Variants in VPS13C observed in about 807,000 individuals in gnomAD.
The protein encoded by VPS13C is intermembrane lipid transfer protein VPS13C.
A neutral mutation model predicts 456.8 loss-of-function variants in VPS13C; 358 were observed. That is an observed-to-expected ratio of 0.78 (90% confidence interval 0.72 to 0.86). The LOEUF (loss-of-function observed/expected upper bound fraction) is 0.86, where lower values mean the gene tolerates loss of function less well. Among genes scored for constraint, VPS13C ranks in the 40% least tolerant of loss-of-function variants. The pLI, the probability that VPS13C is intolerant of heterozygous loss-of-function variation, is 0.00. For synonymous variants in VPS13C, 1,578 were observed against 1,486.7 expected, an observed-to-expected ratio of 1.06 and a Z score of -1.41; for missense variants, 4,818 against 4,385.4, an observed-to-expected ratio of 1.10 and a Z score of -2.79.
intron 37 of VPS13C, among the ~76,000 whole-genome samples, chr15:61,958,123 G>A (rs2045070257): frequency 6.6e-6 from 1 of 151,498 alleles, no homozygotes. Context: ...AAGTCAAAAG[G>A]GCCATGGTAA....
chr15:62,015,022 A>G (rs1193894096), intron 9 of VPS13C, among the ~76,000 whole-genome samples: 1 of 152,144 alleles, frequency 6.6e-6, no homozygotes, highest in Non-Finnish European at 1.5e-5. Context: ...CACTAAGGAA[A>G]CTACCCATTC....
chr15:61,979,627 G>C (rs1359299994), intron 22 of VPS13C, among the ~76,000 whole-genome samples: 2 of 152,178 alleles, frequency 1.3e-5, no homozygotes, highest in Non-Finnish European at 2.9e-5. Flanking sequence ...AATTTGCGAA[G>C]AAAAACTTAA....
chr15:61,985,865 T>C (rs1371350877), intron 18 of VPS13C, among the ~76,000 whole-genome samples: 1 of 152,086 alleles, frequency 6.6e-6, no homozygotes, highest in African/African-American at 2.4e-5. Context: ...GGGGACAGCC[T>C]AGAGGCTGTG....
At chr15:61,923,861 C>CTTTTTTTTTTTTTTTTTTTTTTT (rs1188960583) in intron 53 of VPS13C, among the ~76,000 whole-genome samples, 1 of 75,146 alleles carries the variant, frequency 1.3e-5, no homozygotes, top group African/African-American at 5.7e-5. Flanking sequence ...CCCTCTAAAT[C>CTTTTTTTTTTTTTTTTTTTTTTT]TTTTTTTTTT....
intron 66 of VPS13C, among the ~76,000 whole-genome samples, chr15:61,896,139 G>C (rs973372362): frequency 6.6e-6 from 1 of 152,090 alleles, no homozygotes; most frequent in African/African-American, 2.4e-5. Flanking sequence ...CAAGCAACAA[G>C]ATCAAAGCAA....
chr15:62,023,041 T>C (rs967315918), intron 8 of VPS13C, among the ~76,000 whole-genome samples: 1 of 151,924 alleles, frequency 6.6e-6, no homozygotes, highest in Admixed American at 6.6e-5. Context: ...TTTTGGCCAA[T>C]TAACATTATC....
chr15:62,004,400 T>G (rs1015662853), intron 15 of VPS13C, among the ~76,000 whole-genome samples: 49 of 152,238 alleles, frequency 3.2e-4, no homozygotes, highest in African/African-American at 9.9e-4. Flanking sequence ...ATCTATTTGA[T>G]TCTTCTCTTT....
At position 61,969,354 on chromosome 15, in the gene VPS13C, G is replaced by C. The variant is rs749454574; in HGVS notation, c.2856C>G (p.Asp952Glu). Residue 952 changes from aspartate (D) to glutamate (E), a missense_variant, in exon 28 of 85, where the codon GAC becomes GAG. Around this residue, in one of 3 missense-constraint regions of VPS13C, gnomAD observed 4,552 missense variants for 4,130.6 expected, o/e 1.10. Coordinates refer to ENST00000644861, the MANE Select transcript of VPS13C (RefSeq NM_020821.3). The part of the protein sequence containing the change: ...LGTEATMRTF[D>E]LTVVSYLKKI... Reference sequence around the variant, plus strand: ...TCTTTAAATAAGATACCACAGTTAAGTCAAATGTTCTCATTGTGGCCTCTG... The same window carrying C: ...TCTTTAAATAAGATACCACAGTTAACTCAAATGTTCTCATTGTGGCCTCTG... The C allele has an allele frequency of 3.1e-6, 5 of 1,604,600 alleles. No individual in the cohort carries two copies. The African/African-American group carries it at 6.7e-5, about 22-fold the overall frequency.
intron 49 of VPS13C, 124 bp from the exon 50 acceptor site, chr15:61,931,383 G>A (rs1418452848): frequency 1.1e-6 from 1 of 939,418 alleles, no homozygotes; most frequent in Non-Finnish European, 1.5e-6. Flanking sequence ...AAGTATGAGT[G>A]CTAAAACATC....
At chr15:61,926,134 C>G (rs1448528764) in intron 52 of VPS13C, among the ~76,000 whole-genome samples, 2 of 152,192 alleles carry the variant, frequency 1.3e-5, no homozygotes, top group East Asian at 3.8e-4. Context: ...TATGGTAGTG[C>G]ATACCTATAA....
intron 16 of VPS13C, among the ~76,000 whole-genome samples, chr15:61,996,847 C>A (rs1161855502): frequency 4.7e-5 from 7 of 148,762 alleles, no homozygotes; most frequent in African/African-American, 1.7e-4. Context: ...AAATGATGAA[C>A]AGAGCACCAA....
chr15:61,961,101 C>A (rs1458107212), intron 35 of VPS13C, among the ~76,000 whole-genome samples: 1 of 151,038 alleles, frequency 6.6e-6, no homozygotes, highest in Non-Finnish European at 1.5e-5. Flanking sequence ...ATAAAAAACT[C>A]TTCTGGGCCA....
intron 9 of VPS13C, among the ~76,000 whole-genome samples, chr15:62,019,417 T>C (rs1415535981): frequency 2.0e-5 from 3 of 152,184 alleles, no homozygotes; most frequent in Non-Finnish European, 4.4e-5. Context: ...CTTTCTCTTG[T>C]GGGCATTTAG....
At position 61,940,760 on chromosome 15, in the gene VPS13C, T is replaced by C. The variant is rs747016223; in HGVS notation, c.5488A>G (p.Ile1830Val). 1.9e-6 allele frequency: 3 copies of C among 1,613,502 alleles called. No individual in the cohort carries two copies. Among genetic ancestry groups the C allele is most frequent in the Non-Finnish European group, 2.5e-6 (3 of 1,179,704 alleles). ...ILQASLPQND[I>V]EILKPVNMLL... Reference sequence around the variant, plus strand: ...ATGTTGACTGGTTTTAAAATTTCAATGTCATTTTGTGGCAAGCTAGCCTGC... The same window carrying C: ...ATGTTGACTGGTTTTAAAATTTCAACGTCATTTTGTGGCAAGCTAGCCTGC... The change falls in exon 47 of 85, where the codon ATT becomes GTT. Residue 1830 changes from isoleucine to valine, a missense_variant. Around this residue, in one of 3 missense-constraint regions of VPS13C, gnomAD observed 4,552 missense variants for 4,130.6 expected, o/e 1.10. Coordinates refer to ENST00000644861, the MANE Select transcript of VPS13C (RefSeq NM_020821.3).
intron 42 of VPS13C, among the ~76,000 whole-genome samples, chr15:61,948,088 T>C (rs1047599722): frequency 1.3e-5 from 2 of 152,180 alleles, no homozygotes; most frequent in Non-Finnish European, 2.9e-5. Context: ...GTACGACAGG[T>C]TGTTTTTTTC....
chr15:62,022,857 G>A (rs1487183140), intron 8 of VPS13C, among the ~76,000 whole-genome samples: 1 of 151,820 alleles, frequency 6.6e-6, no homozygotes, highest in Non-Finnish European at 1.5e-5. Flanking sequence ...ATTAAAATTA[G>A]CCAGTTAAAC....
intron 38 of VPS13C, among the ~76,000 whole-genome samples, chr15:61,953,605 A>G (rs1370181314): frequency 6.6e-6 from 1 of 151,932 alleles, no homozygotes; most frequent in Non-Finnish European, 1.5e-5. Context: ...TCCATGGTGT[A>G]TATGTGCCAC....
At chr15:62,003,905 T>G (rs2046731030) in intron 15 of VPS13C, among the ~76,000 whole-genome samples, 1 of 151,746 alleles carries the variant, frequency 6.6e-6, no homozygotes, top group East Asian at 1.9e-4. Flanking sequence ...TTTGATGTGC[T>G]GCTGGATTCG....
At chr15:62,022,184 G>A (rs80105588) in intron 8 of VPS13C, among the ~76,000 whole-genome samples, 1,662 of 151,866 alleles carry the variant, frequency 0.011, 41 homozygotes, top group African/African-American at 0.038. Context: ...TATGTTCCAA[G>A]CCCCCTAGTG....
Sources: gnomAD v4.1 joint callset for allele counts (sites outside exome capture counted in the v4.1 genomes callset) on GRCh38, gnomAD v4.1.1 for gene constraint, gnomAD v4.1.1 regional missense constraint, MANE v1.5 for transcripts, NCBI Gene and HGNC (gene_info 2026-07-23, HGNC 2026-07-21) for gene names.